PADI4: variants seen among roughly 807,000 people sequenced by gnomAD.
The protein encoded by PADI4 is protein-arginine deiminase type-4.
Under a neutral mutation model 75.0 loss-of-function variants are expected in PADI4, and 62 were observed. The observed-to-expected ratio is 0.83, with a 90% CI of 0.67 to 1.02. The LOEUF is 1.02. PADI4 is among the 50% of genes least tolerant of loss of function. PADI4 has a pLI of 0.00. For missense variants in PADI4, 845 were observed against 850.5 expected (o/e 0.99, Z 0.08); for synonymous variants, 361 against 348.1 (o/e 1.04, Z -0.41).
At chr1:17,351,435 A>T (rs1161077475) in intron 10 of PADI4, among the ~76,000 whole-genome samples, 2 of 151,138 alleles carry the variant, frequency 1.3e-5, no homozygotes, top group Admixed American at 6.6e-5. Context: ...TACAAAAAAA[A>T]AAAAAATTAA....
Position 17,356,119 on chromosome 1 carries a change from G to T in PADI4, c.1447G>T (p.Asp483Tyr). The T allele has an allele frequency of 6.2e-6, 10 of 1,614,132 alleles. No homozygotes were observed. Among genetic ancestry groups the T allele is most frequent in the Non-Finnish European group, 8.5e-6 (10 of 1,180,008 alleles). ...GTTCCTGAGCTTTGTGCCAGCACCC[G>T]ACAGGAAGGTACAGTCTTGGGGGCT... Reference protein sequence around the residue: ...DEFLSFVPAPDRKGFRLLLAS... With the variant: ...DEFLSFVPAPYRKGFRLLLAS... The change falls in exon 12 of 16, where the codon GAC becomes TAC. Residue 483 changes from aspartate to tyrosine, a missense_variant. By Grantham distance (160) the Asp-to-Tyr change is radical (BLOSUM62 -3). Coordinates refer to ENST00000375448, the MANE Select transcript of PADI4 (RefSeq NM_012387.3). The surrounding 1 kb of genome is among the most constrained non-coding windows in gnomAD (Gnocchi z 4.1).
chr1:17,308,219 G>T lies in PADI4; in HGVS notation c.-4G>T, dbSNP rs749696116. The T allele has an allele frequency of 1.2e-6, 2 of 1,613,748 alleles. No homozygotes were observed. Among genetic ancestry groups the T allele is most frequent in the Non-Finnish European group, 1.7e-6 (2 of 1,179,776 alleles). ...TACAGCCAGAGGGACGAGCTAGCCCGACGATGGCCCAGGGGACATTGATCC... is the reference window on the plus strand; with the variant it reads ...TACAGCCAGAGGGACGAGCTAGCCCTACGATGGCCCAGGGGACATTGATCC... On this transcript the variant is annotated 5_prime_UTR_variant, in exon 1 of 16. Transcript: ENST00000375448.
At chr1:17,328,452 C>T (rs981973465) in intron 1 of PADI4, among the ~76,000 whole-genome samples, 10 of 152,060 alleles carry the variant, frequency 6.6e-5, no homozygotes, top group African/African-American at 2.4e-4. Flanking sequence ...TTGAGACCAG[C>T]CTGGGTAACA....
At chr1:17,315,950 C>A (rs1017896157) in intron 1 of PADI4, among the ~76,000 whole-genome samples, 1 of 151,944 alleles carries the variant, frequency 6.6e-6, no homozygotes, top group African/African-American at 2.4e-5. Context: ...TCCCTGATGA[C>A]CCACAGCTCT....
At chr1:17,354,468 AC>A in intron 10 of PADI4, 64 bp from the exon 11 acceptor site, 2 of 1,454,732 alleles carry the variant, frequency 1.4e-6, no homozygotes, top group Non-Finnish European at 1.9e-6. Context: ...CTAAACTTGG[AC>A]CCCCCGACCC....
At position 17,356,150 on chromosome 1, in the gene PADI4, A is replaced by AGGAAGCCATGCCTCC; in HGVS notation, c.1455+24_1455+38dup. 1 of 1,611,390 alleles carries AGGAAGCCATGCCTCC rather than the reference A, an allele frequency of 6.2e-7. No individual in the cohort carries two copies. The highest frequency in any genetic ancestry group is 8.5e-7 in the Non-Finnish European group (1 of 1,178,094). The stretch of plus-strand genomic sequence containing the variant: ...AAGGTACAGTCTTGGGGGCTGCCTC[A>AGGAAGCCATGCCTCC]GGAAGCCATGCCTCCTTCCTGGGTA... On this transcript the variant is annotated intron_variant, in intron 12 of 15. Coordinates refer to ENST00000375448, the MANE Select transcript of PADI4 (RefSeq NM_012387.3). The surrounding 1 kb of genome is among the most constrained non-coding windows in gnomAD (Gnocchi z 4.1).
At position 17,342,206 on chromosome 1, in the gene PADI4, G is replaced by A. The variant is rs925807506; in HGVS notation, c.831+85G>A. The A allele has an allele frequency of 1.6e-5, 23 of 1,471,486 alleles. 1 individual carries two copies. Among genetic ancestry groups the A allele is most frequent in the Middle Eastern group, 4.3e-4 (2 of 4,614 alleles). The allele number at this position is 1,471,486 out of a possible 1,614,324, so 91.2% of individuals were successfully genotyped here. A position where few individuals can be genotyped will look rare whatever the true frequency, so the allele number is the denominator to read the frequency against. On this transcript the variant is annotated intron_variant, in intron 7 of 15. Coordinates refer to ENST00000375448, the MANE Select transcript of PADI4 (RefSeq NM_012387.3). ...GGGAAAGGGGTACAGAGCCCAGCTG[G>A]GCAGGGGGACTCCAAACAGCTGCAG...
Position 17,343,182 on chromosome 1 carries a change from G to A in PADI4, c.935+780G>A, listed in dbSNP as rs191343921. 5.7e-3 allele frequency among the ~76,000 whole-genome samples: 870 copies of A among 152,136 alleles called. 3 individuals carry two copies. The highest frequency in any genetic ancestry group is 8.9e-3 in the Non-Finnish European group (602 of 67,986). ...AGCCTGGGCGACAGAGCAAGACTCC[G>A]TCTTGAGAAAATTAAAAATAATAAA... is the stretch of plus-strand genomic sequence containing the variant. On this transcript the variant is annotated intron_variant, in intron 8 of 15. Transcript: ENST00000375448.
intron 1 of PADI4, among the ~76,000 whole-genome samples, chr1:17,324,737 A>G (rs1488478605): frequency 1.3e-5 from 2 of 152,198 alleles, no homozygotes; most frequent in South Asian, 2.1e-4. Flanking sequence ...ATCCTCTTCT[A>G]GAGATTCAAA....
intron 10 of PADI4, among the ~76,000 whole-genome samples, chr1:17,352,571 A>G (rs2100232721): frequency 6.6e-6 from 1 of 152,172 alleles, no homozygotes; most frequent in East Asian, 1.9e-4. Context: ...GATTCCGGCT[A>G]TGTCTGGAAG....
In PADI4 at chr1:17,342,382, G is replaced by A. The variant is rs369821978; in HGVS notation, c.915G>A (p.Pro305=). The A allele has an allele frequency of 2.5e-5, 40 of 1,612,614 alleles. No individual in the cohort carries two copies. Among genetic ancestry groups the A allele is most frequent in the South Asian group, 1.4e-4 (13 of 91,048 alleles). ...PWIMTPNTQP[P]QEVYACSIFE... ...TCATGACCCCCAACACCCAGCCCCC[G>A]CAGGAGGTGTACGCGTGCAGGTGAG... Residue 305 remains proline (P), a synonymous_variant, in exon 8 of 16, where the codon CCG becomes CCA. Coordinates refer to ENST00000375448, the MANE Select transcript of PADI4 (RefSeq NM_012387.3).
chr1:17,332,295 G>A (rs956877341), intron 2 of PADI4, among the ~76,000 whole-genome samples: 2 of 152,112 alleles, frequency 1.3e-5, no homozygotes, highest in East Asian at 1.9e-4. Context: ...CGCCCAGGCT[G>A]GACTGCAGTG....
intron 10 of PADI4, among the ~76,000 whole-genome samples, chr1:17,353,975 C>T (rs1393014404): frequency 6.6e-6 from 1 of 151,966 alleles, no homozygotes; most frequent in Non-Finnish European, 1.5e-5. Context: ...CGTGGGGGCT[C>T]ATGCCTGTAA....
rs774138940 is a variant in PADI4, at chr1:17,363,570, G to C, written c.1807G>C (p.Gly603Arg). The change falls in exon 16 of 16, where the codon GGG becomes CGG. Residue 603 changes from glycine to arginine, a missense_variant. Transcript: ENST00000375448. ...GKHLGIPKPFGPVINGRCCLE... is the reference protein window; with the variant it reads ...GKHLGIPKPFRPVINGRCCLE... Reference sequence around the variant, plus strand: ...GCACCTGGGCATCCCCAAGCCCTTCGGGCCCGTCATCAACGGCCGCTGCTG... The same window carrying C: ...GCACCTGGGCATCCCCAAGCCCTTCCGGCCCGTCATCAACGGCCGCTGCTG... The C allele has an allele frequency of 8.6e-5, 138 of 1,613,960 alleles. No homozygotes were observed. The highest frequency in any genetic ancestry group is 1.2e-4 in the Non-Finnish European group (137 of 1,179,920).
At chr1:17,351,012 C>T (rs2074606563) in intron 10 of PADI4, among the ~76,000 whole-genome samples, 1 of 105,132 alleles carries the variant, frequency 9.5e-6, no homozygotes, top group Non-Finnish European at 2.2e-5. Context: ...CATAATGAGA[C>T]CTTGTCCCTA....
chr1:17,328,953 A>G (rs1222281794), intron 1 of PADI4, among the ~76,000 whole-genome samples: 2 of 150,532 alleles, frequency 1.3e-5, no homozygotes, highest in South Asian at 2.1e-4. Flanking sequence ...ATTTTAAAAT[A>G]TCGGTTTTTG....
At chr1:17,320,360 A>G (rs2074012860) in intron 1 of PADI4, among the ~76,000 whole-genome samples, 1 of 152,272 alleles carries the variant, frequency 6.6e-6, no homozygotes, top group Non-Finnish European at 1.5e-5. Context: ...AGGTGAATCC[A>G]TAAAGTGAAA....
In PADI4 at chr1:17,346,260, G is replaced by A; in HGVS notation, c.1047+121G>A. 3.2e-6 allele frequency: 2 copies of A among 634,802 alleles called. No homozygotes were observed. The allele number at this position is 634,802 out of a possible 1,614,324, so 39.3% of individuals were successfully genotyped here. A position where few individuals can be genotyped will look rare whatever the true frequency, so the allele number is the denominator to read the frequency against. On this transcript the variant is annotated intron_variant, in intron 9 of 15. Transcript: ENST00000375448. This position sits in a 1 kb window ranked among gnomAD's most constrained non-coding sequence, Gnocchi z 4.3. ...GGCCACTCTTCCTTAGATGGACAGG[G>A]AGATAGGAACCTGAGAGATCCTTGG...
At chr1:17,330,404 G>A (rs2100700678) in intron 1 of PADI4, among the ~76,000 whole-genome samples, 1 of 152,260 alleles carries the variant, frequency 6.6e-6, no homozygotes, top group East Asian at 1.9e-4. Flanking sequence ...AGGGAGAACT[G>A]GCTCACACGA....
Sources: allele counts gnomAD v4.1 joint callset (sites outside exome capture counted in the v4.1 genomes callset), GRCh38; gene constraint gnomAD v4.1.1; non-coding constraint Gnocchi (gnomAD v3.1); transcripts MANE v1.5; gene names NCBI Gene and HGNC (gene_info 2026-07-23, HGNC 2026-07-21).